NEK9: variants seen among roughly 807,000 people sequenced by gnomAD.
The protein encoded by NEK9 is serine/threonine-protein kinase Nek9.
NEK9 carries 75 observed loss-of-function variants against 123.4 expected under a neutral mutation model. The observed-to-expected ratio is 0.61, with a 90% CI of 0.50 to 0.74. The LOEUF (loss-of-function observed/expected upper bound fraction) is 0.74. Among genes scored for constraint, NEK9 ranks in the 30% least tolerant of loss-of-function variants. NEK9 has a pLI of 0.00. For synonymous variants in NEK9, 438 were observed against 458.7 expected (o/e 0.95, Z 0.58); for missense variants, 952 against 1,214.4 (o/e 0.78, Z 3.21).
In NEK9 at chr14:75,081,983, C is replaced by T. The variant is rs1333831266; in HGVS notation, c.*2581G>A. ...GCAAAGAATATTTCTGTGCAGATGT[C>T]CCTTGCATTGTTTCTGTTCCAAGAA... On this transcript the variant is annotated 3_prime_UTR_variant, in exon 22 of 22. Transcript: ENST00000238616. This position sits in a 1 kb window ranked among gnomAD's most constrained non-coding sequence, Gnocchi z 4.2. 2 of 152,172 alleles carry T rather than the reference C, an allele frequency of 1.3e-5. No individual in the cohort carries two copies. Among genetic ancestry groups the T allele is most frequent in the Admixed American group, 1.3e-4 (2 of 15,272 alleles). 9.4% of individuals were successfully genotyped at this position (152,172 alleles called of 1,614,324 possible). A position where few individuals can be genotyped will look rare whatever the true frequency, so the allele number is the denominator to read the frequency against.
intron 17 of NEK9, 39 bp downstream of exon 17, chr14:75,097,061 G>A (rs1260756334): frequency 3.2e-6 from 5 of 1,563,630 alleles, no homozygotes; most frequent in South Asian, 2.4e-5. Context: ...TCCATCCTCT[G>A]TCAAAGCCAT....
intron 14 of NEK9, among the ~76,000 whole-genome samples, chr14:75,103,057 G>T (rs995974068): frequency 6.6e-6 from 1 of 152,098 alleles, no homozygotes; most frequent in African/African-American, 2.4e-5. Flanking sequence ...GTGGGGGAAG[G>T]GGGGAGGGAT....
Position 75,103,609 on chromosome 14 carries a change from CCA to C in NEK9, c.1731+231_1731+232del, listed in dbSNP as rs1894663256. Reference sequence around the variant, plus strand: ...TTAATACCCCTCCTTCAATAAGTAGCCACAGTTTTGATTTCTGCCAGTATAAG... The same window carrying C: ...TTAATACCCCTCCTTCAATAAGTAGCCAGTTTTGATTTCTGCCAGTATAAG... On this transcript the variant is annotated intron_variant, in intron 14 of 21. Coordinates refer to ENST00000238616, the MANE Select transcript of NEK9 (RefSeq NM_033116.6). Among the ~76,000 whole-genome samples, 4 of 152,158 alleles carry C rather than the reference CCA, an allele frequency of 2.6e-5. No individual in the cohort carries two copies. In the South Asian group the frequency reaches 8.3e-4, roughly 31 times the overall value.
In NEK9 at chr14:75,084,586, T is replaced by A. The variant is rs1211400276; in HGVS notation, c.2918A>T (p.Asp973Val). ...AGACTAGAGGCTGGGTCTACAGGAG[T>A]CTGTTCCCAGGAGGCACCAGGAATC... Reference protein sequence around the residue: ...DSDSWCLLGTDSCRPSL With the variant: ...DSDSWCLLGTVSCRPSL Residue 973 changes from aspartate to valine, a missense_variant, in exon 22 of 22, where the codon GAC (aspartate) becomes GTC (valine). By Grantham distance (152) the Asp-to-Val change is radical. Around this residue, in one of 4 missense-constraint regions of NEK9, gnomAD observed 698 missense variants for 875.6 expected, o/e 0.80. Transcript: ENST00000238616. The A allele has an allele frequency of 1.9e-6, 3 of 1,613,834 alleles. No individual in the cohort carries two copies. The highest frequency in any genetic ancestry group is 2.5e-6 in the Non-Finnish European group (3 of 1,179,992).
intron 9 of NEK9, 91 bp downstream of exon 9, chr14:75,110,230 A>C: frequency 5.3e-6 from 5 of 937,512 alleles, no homozygotes; most frequent in South Asian, 1.5e-5. Context: ...ATGCCAAAGT[A>C]TCCTCGGATC....
Position 75,114,274 on chromosome 14 carries a change from G to A in NEK9, c.802C>T (p.Arg268Trp), listed in dbSNP as rs1184686550. The stretch of plus-strand genomic sequence containing the variant: ...TGGCTAGAGTCAACTTCCATGGCCC[G>A]AATTCCTTGCACGATCTTCACACAC... ...NLCVKIVQGI[R>W]AMEVDSSQYS... The change falls in exon 7 of 22, where the codon CGG (arginine) becomes TGG (tryptophan). Residue 268 changes from arginine to tryptophan, a missense_variant. By Grantham distance (101) the Arg-to-Trp change is moderately radical (BLOSUM62 -3). Transcript: ENST00000238616. The A allele has an allele frequency of 7.4e-6, 12 of 1,614,022 alleles. No individual in the cohort carries two copies. The highest frequency in any genetic ancestry group is 3.3e-4 in the Middle Eastern group (2 of 6,062).
intron 11 of NEK9, among the ~76,000 whole-genome samples, chr14:75,106,976 T>TA (rs1594839760): frequency 6.6e-6 from 1 of 152,176 alleles, no homozygotes; most frequent in African/African-American, 2.4e-5. Context: ...GTTATATAGA[T>TA]AAAAAAATAA....
intron 5 of NEK9, among the ~76,000 whole-genome samples, chr14:75,118,322 C>T (rs1319536623): frequency 6.6e-6 from 1 of 152,154 alleles, no homozygotes; most frequent in Non-Finnish European, 1.5e-5. Flanking sequence ...GATTACTGTC[C>T]TAAAGATCAA....
At chr14:75,105,047 C>G (rs1244110221) in intron 13 of NEK9, among the ~76,000 whole-genome samples, 1 of 152,064 alleles carries the variant, frequency 6.6e-6, no homozygotes, top group Admixed American at 6.6e-5. Context: ...TGACAGAGTA[C>G]TGAGGTAATA....
At chr14:75,101,845 C>CTTT in intron 14 of NEK9, 80 bp from the exon 15 acceptor site, 1 of 1,024,396 alleles carries the variant, frequency 9.8e-7, no homozygotes. Context: ...GAAAAAAGTC[C>CTTT]TGGTGACCAA....
chr14:75,107,452 C>A lies in NEK9; in HGVS notation c.1218G>T (p.Leu406=). 2 of 1,613,232 alleles carry A rather than the reference C, an allele frequency of 1.2e-6. No individual in the cohort carries two copies. Among genetic ancestry groups the A allele is most frequent in the Middle Eastern group, 3.3e-4 (2 of 6,056 alleles). ...MQGGTKLHGQ[L]GHGDKASYRQ... Reference sequence around the variant, plus strand: ...GATAGGAGGCTTTGTCTCCATGGCCCAGCTGACCATGGAGTTTAGTGCCTC... The same window carrying A: ...GATAGGAGGCTTTGTCTCCATGGCCAAGCTGACCATGGAGTTTAGTGCCTC... Residue 406 remains leucine, a synonymous_variant, in exon 11 of 22, where the codon CTG becomes CTT. Coordinates refer to ENST00000238616, the MANE Select transcript of NEK9 (RefSeq NM_033116.6).
chr14:75,086,249 G>A (rs982063008), intron 21 of NEK9, among the ~76,000 whole-genome samples: 11 of 151,564 alleles, frequency 7.3e-5, no homozygotes, highest in African/African-American at 2.7e-4. Flanking sequence ...AGGTGATGGT[G>A]GTGGAGGGAG....
chr14:75,089,748 A>C (rs1206373986), intron 19 of NEK9, among the ~76,000 whole-genome samples: 2 of 147,462 alleles, frequency 1.4e-5, no homozygotes, highest in Non-Finnish European at 1.5e-5. Flanking sequence ...CACCAGGCCA[A>C]AGTGCAGTGG....
intron 6 of NEK9, 31 bp downstream of exon 6, chr14:75,117,164 A>C: frequency 2.5e-6 from 4 of 1,603,874 alleles, no homozygotes; most frequent in Non-Finnish European, 3.4e-6. Context: ...CAACCTGCTA[A>C]ATGCAATATG....
At chr14:75,122,017 T>A (rs541625566) in intron 2 of NEK9, among the ~76,000 whole-genome samples, 48 of 152,256 alleles carry the variant, frequency 3.2e-4, no homozygotes, top group Non-Finnish European at 5.6e-4. Flanking sequence ...CTCTCTTTAC[T>A]AATTTCTTCC....
At chr14:75,103,164 C>A (rs1183342300) in intron 14 of NEK9, among the ~76,000 whole-genome samples, 3 of 150,140 alleles carry the variant, frequency 2.0e-5, no homozygotes, top group East Asian at 3.9e-4. Flanking sequence ...GCACGTTGTG[C>A]ACATGTACCC....
At chr14:75,097,886 C>G (rs916110676) in intron 16 of NEK9, among the ~76,000 whole-genome samples, 2 of 152,124 alleles carry the variant, frequency 1.3e-5, no homozygotes, top group Admixed American at 1.3e-4. Flanking sequence ...AACAAGGAGA[C>G]CCCTGCAGCT....
At chr14:75,117,363 T>G in intron 5 of NEK9, 37 bp from the exon 6 acceptor site, 1 of 1,580,614 alleles carries the variant, frequency 6.3e-7, no homozygotes, top group Non-Finnish European at 8.6e-7. Flanking sequence ...ATAACTTCTT[T>G]TCTGAGGTAA....
intron 4 of NEK9, among the ~76,000 whole-genome samples, chr14:75,119,610 G>C (rs1257288581): frequency 6.6e-6 from 1 of 152,180 alleles, no homozygotes; most frequent in Non-Finnish European, 1.5e-5. Flanking sequence ...CTTATGCCTT[G>C]AATTAAGTGA....
Sources: gnomAD v4.1 joint callset for allele counts (sites outside exome capture counted in the v4.1 genomes callset) on GRCh38, gnomAD v4.1.1 for gene constraint, gnomAD v4.1.1 regional missense constraint, Gnocchi (gnomAD v3.1) non-coding constraint, MANE v1.5 for transcripts, NCBI Gene and HGNC (gene_info 2026-07-23, HGNC 2026-07-21) for gene names.